ASTN2: variants seen among roughly 807,000 people sequenced by gnomAD.
The protein encoded by ASTN2 is astrotactin-2.
A neutral mutation model predicts 139.8 loss-of-function variants in ASTN2; 54 were observed. That is an observed-to-expected ratio of 0.39 (90% CI 0.31 to 0.48). ASTN2 has a LOEUF of 0.48. ASTN2 is among the 20% of genes least tolerant of loss of function. The pLI is 0.95. For missense variants in ASTN2, 1,565 were observed against 1,725.1 expected (o/e 0.91, Z 1.64); for synonymous variants, 756 against 719.5 (o/e 1.05, Z -0.81).
intron 19 of ASTN2, among the ~76,000 whole-genome samples, chr9:116,569,761 C>T (rs555069395): frequency 1.3e-3 from 205 of 152,310 alleles, no homozygotes; most frequent in South Asian, 9.3e-3. Flanking sequence ...CGCCCAAGGA[C>T]AGAGGGCCTC....
chr9:116,594,352 C>T (rs1485409271), intron 19 of ASTN2, among the ~76,000 whole-genome samples: 1 of 152,196 alleles, frequency 6.6e-6, no homozygotes, highest in East Asian at 1.9e-4. Context: ...CATCTTCTAC[C>T]TTGAATTACA....
At chr9:116,514,030 C>G (rs1850527732) in intron 19 of ASTN2, among the ~76,000 whole-genome samples, 1 of 151,832 alleles carries the variant, frequency 6.6e-6, no homozygotes, top group South Asian at 2.1e-4. Flanking sequence ...CAGCTTTGTT[C>G]TGTTGCTGGT....
chr9:117,036,324 C>T (rs1319823148), intron 6 of ASTN2, among the ~76,000 whole-genome samples: 5 of 152,186 alleles, frequency 3.3e-5, no homozygotes, highest in African/African-American at 9.6e-5. Context: ...AAGCTTGCTC[C>T]ATCGCATCTC....
At chr9:117,081,568 A>T (rs1000882324) in intron 5 of ASTN2, among the ~76,000 whole-genome samples, 4 of 152,222 alleles carry the variant, frequency 2.6e-5, no homozygotes, top group African/African-American at 9.6e-5. Flanking sequence ...TTATATGACA[A>T]GGGTGAAAGG....
intron 13 of ASTN2, among the ~76,000 whole-genome samples, chr9:116,734,439 T>C (rs1040188404): frequency 3.9e-5 from 6 of 152,096 alleles, no homozygotes; most frequent in Non-Finnish European, 8.8e-5. Flanking sequence ...ACTGAGGGTG[T>C]GCAAGCAGAA....
At chr9:117,380,349 G>A (rs1830233510) in intron 1 of ASTN2, among the ~76,000 whole-genome samples, 2 of 152,142 alleles carry the variant, frequency 1.3e-5, no homozygotes, top group African/African-American at 2.4e-5. Flanking sequence ...GCTCATGCCT[G>A]TAATCCCAGC....
At chr9:117,024,502 G>T (rs888604620) in intron 6 of ASTN2, among the ~76,000 whole-genome samples, 1 of 151,992 alleles carries the variant, frequency 6.6e-6, no homozygotes, top group African/African-American at 2.4e-5. Flanking sequence ...GTGACAAAAG[G>T]GGGTGGTTAT....
chr9:117,312,974 G>C (rs181930697), intron 1 of ASTN2, among the ~76,000 whole-genome samples: 35 of 152,288 alleles, frequency 2.3e-4, no homozygotes, highest in African/African-American at 7.9e-4. Flanking sequence ...GCAAACCCCA[G>C]AGTCTTGTTG....
At chr9:117,242,464 G>A (rs1360266608) in intron 2 of ASTN2, among the ~76,000 whole-genome samples, 2 of 152,172 alleles carry the variant, frequency 1.3e-5, no homozygotes, top group Admixed American at 6.6e-5. Context: ...ACAGAACAGG[G>A]ATATGCTGGC....
At chr9:116,660,853 C>T (rs1858518152) in intron 16 of ASTN2, among the ~76,000 whole-genome samples, 1 of 152,188 alleles carries the variant, frequency 6.6e-6, no homozygotes, top group South Asian at 2.1e-4. Flanking sequence ...AATGGGGATA[C>T]TAACTCCTCA....
intron 7 of ASTN2, among the ~76,000 whole-genome samples, chr9:117,005,250 A>ATTTTTTT (rs35449201): frequency 2.1e-5 from 3 of 142,458 alleles, no homozygotes; most frequent in Non-Finnish European, 1.5e-5. Flanking sequence ...AAGCCCAGCT[A>ATTTTTTT]TTTTTTTTTT....
chr9:116,698,709 A>G lies in ASTN2; in HGVS notation c.2806+27062T>C, dbSNP rs200374340. The G allele has an allele frequency of 8.1e-6, 13 of 1,614,202 alleles. No individual in the cohort carries two copies. Among genetic ancestry groups the G allele is most frequent in the Non-Finnish European group, 1.1e-5 (13 of 1,180,042 alleles). ...TGCTGCCTCTACCTCTGTTACTTTT[A>G]GAGAGATGGACATGAGCCCGGAGGA... On this transcript the variant is annotated intron_variant, in intron 16 of 22. Transcript: ENST00000313400. This position sits in a 1 kb window ranked among gnomAD's most constrained non-coding sequence, Gnocchi z 4.4.
At chr9:117,274,974 G>A (rs1834151642) in intron 2 of ASTN2, among the ~76,000 whole-genome samples, 1 of 152,182 alleles carries the variant, frequency 6.6e-6, no homozygotes, top group African/African-American at 2.4e-5. Flanking sequence ...CTGAATCTAG[G>A]TTTTGGGTGG....
intron 16 of ASTN2, among the ~76,000 whole-genome samples, chr9:116,712,671 G>A (rs1342439573): frequency 6.6e-6 from 1 of 152,154 alleles, no homozygotes; most frequent in African/African-American, 2.4e-5. Flanking sequence ...GGTTCCCTCT[G>A]ATTTGCTTTT....
At chr9:116,791,974 G>A (rs1448919739) in intron 13 of ASTN2, among the ~76,000 whole-genome samples, 1 of 152,016 alleles carries the variant, frequency 6.6e-6, no homozygotes, top group Non-Finnish European at 1.5e-5. Context: ...TAGGTTAGTT[G>A]GAGAACATTT....
intron 5 of ASTN2, among the ~76,000 whole-genome samples, chr9:117,062,156 T>C (rs1229996832): frequency 3.3e-5 from 5 of 152,106 alleles, no homozygotes; most frequent in Non-Finnish European, 7.3e-5. Context: ...TCCAGCAGGA[T>C]TGGCCCTAAA....
intron 10 of ASTN2, among the ~76,000 whole-genome samples, chr9:116,878,980 G>A (rs560829692): frequency 6.6e-6 from 1 of 151,990 alleles, no homozygotes; most frequent in South Asian, 2.1e-4. Context: ...GGTGTGCCCT[G>A]CTGCTCAGGA....
chr9:117,284,740 C>T (rs918901380), intron 2 of ASTN2, among the ~76,000 whole-genome samples: 1 of 152,174 alleles, frequency 6.6e-6, no homozygotes, highest in Non-Finnish European at 1.5e-5. Flanking sequence ...GTGTGTCAGG[C>T]TCCAGCATAT....
intron 1 of ASTN2, among the ~76,000 whole-genome samples, chr9:117,349,394 A>C (rs1829321094): frequency 6.6e-6 from 1 of 152,162 alleles, no homozygotes; most frequent in Non-Finnish European, 1.5e-5. Context: ...ACTTGTTGAG[A>C]ATCTATCTTG....
Sources: gnomAD v4.1 joint callset for allele counts (sites outside exome capture counted in the v4.1 genomes callset) on GRCh38, gnomAD v4.1.1 for gene constraint, Gnocchi (gnomAD v3.1) non-coding constraint, MANE v1.5 for transcripts, NCBI Gene and HGNC (gene_info 2026-07-23, HGNC 2026-07-21) for gene names.